GRM8: variants seen among roughly 807,000 people sequenced by gnomAD.
The protein encoded by GRM8 is metabotropic glutamate receptor 8.
Under a neutral mutation model 87.2 loss-of-function variants are expected in GRM8, and 47 were observed. The ratio of observed to expected loss-of-function variants is 0.54; its 90% CI spans 0.43 to 0.69. GRM8 has a LOEUF of 0.69. Ranked by LOEUF, GRM8 falls within the 30% of genes least tolerant of loss-of-function variation. The probability of loss-of-function intolerance (pLI) is 0.00; values close to 1 mark genes in which losing one functional copy is unlikely to be tolerated. For synonymous variants in GRM8, 396 were observed against 404.5 expected (o/e 0.98, Z 0.25); for missense variants, 1,019 against 1,139.2 (o/e 0.89, Z 1.52).
intron 2 of GRM8, among the ~76,000 whole-genome samples, chr7:127,215,699 C>T (rs1321882927): frequency 6.6e-6 from 1 of 152,146 alleles, no homozygotes; most frequent in Non-Finnish European, 1.5e-5. Context: ...ATATTACATT[C>T]AGCATTTCTC....
At chr7:127,135,617 CAAAAAAAA>C (rs1168682673) in intron 2 of GRM8, among the ~76,000 whole-genome samples, 5 of 36,838 alleles carry the variant, frequency 1.4e-4, no homozygotes, top group Non-Finnish European at 2.4e-4. Context: ...GACTCCGTCT[CAAAAAAAA>C]AAAAAAAAAA....
chr7:127,166,110 T>C (rs1048508575), intron 2 of GRM8, among the ~76,000 whole-genome samples: 8 of 152,144 alleles, frequency 5.3e-5, no homozygotes, highest in Non-Finnish European at 7.4e-5. Flanking sequence ...TCCTTTGTAA[T>C]TGGGTTAATG....
chr7:126,584,523 A>C (rs1292139917), intron 8 of GRM8, among the ~76,000 whole-genome samples: 2 of 152,222 alleles, frequency 1.3e-5, no homozygotes, highest in African/African-American at 4.8e-5. Flanking sequence ...AATGTAACCA[A>C]ATTTTAGATG....
intron 3 of GRM8, among the ~76,000 whole-genome samples, chr7:127,029,777 A>T (rs1318822999): frequency 6.6e-6 from 1 of 151,054 alleles, no homozygotes; most frequent in East Asian, 2.0e-4. Context: ...GTGGGTCTTG[A>T]CTCTTTACCC....
chr7:126,826,955 C>T (rs552014485), intron 6 of GRM8, among the ~76,000 whole-genome samples: 15 of 152,270 alleles, frequency 9.9e-5, no homozygotes, highest in Admixed American at 9.2e-4. Context: ...TTCCCAGCAC[C>T]GTTTATTAAA....
At chr7:126,983,672 C>T (rs1811759877) in intron 3 of GRM8, among the ~76,000 whole-genome samples, 1 of 152,124 alleles carries the variant, frequency 6.6e-6, no homozygotes, top group African/African-American at 2.4e-5. Context: ...GAAGGGTATG[C>T]GTGGAATACA....
intron 3 of GRM8, among the ~76,000 whole-genome samples, chr7:127,103,331 G>A (rs2133050871): frequency 6.6e-6 from 1 of 152,168 alleles, no homozygotes; most frequent in East Asian, 1.9e-4. Flanking sequence ...TTGGGTCATG[G>A]GGGCAGATCT....
chr7:126,547,848 C>T (rs773615227), intron 8 of GRM8, among the ~76,000 whole-genome samples: 8 of 150,546 alleles, frequency 5.3e-5, no homozygotes, highest in Admixed American at 4.0e-4. Context: ...GTCAGAATCC[C>T]GAGAACAAAT....
chr7:126,646,883 T>A (rs912061870), intron 7 of GRM8, among the ~76,000 whole-genome samples: 1 of 152,188 alleles, frequency 6.6e-6, no homozygotes, highest in Non-Finnish European at 1.5e-5. Flanking sequence ...TTGCATTTCA[T>A]TAAACAACAC....
chr7:126,736,602 T>A (rs1814257483), intron 7 of GRM8, among the ~76,000 whole-genome samples: 1 of 152,082 alleles, frequency 6.6e-6, no homozygotes. Context: ...GCTTTAAATA[T>A]TTCTAACCTT....
chr7:127,106,127 CT>C (rs1012648702), intron 3 of GRM8, among the ~76,000 whole-genome samples: 1 of 152,190 alleles, frequency 6.6e-6, no homozygotes, highest in African/African-American at 2.4e-5. Flanking sequence ...ATTCCACTGA[CT>C]TTTTTTAAAT....
chr7:126,489,029 T>A (rs1807693751), intron 9 of GRM8, among the ~76,000 whole-genome samples: 1 of 151,842 alleles, frequency 6.6e-6, no homozygotes, highest in African/African-American at 2.4e-5. Context: ...ATTTCAAGCA[T>A]ACAAATATGA....
intron 7 of GRM8, among the ~76,000 whole-genome samples, chr7:126,644,145 A>G (rs1802784321): frequency 6.6e-6 from 1 of 152,244 alleles, no homozygotes; most frequent in Admixed American, 6.5e-5. Flanking sequence ...TTTGTCCTTC[A>G]GTGCTAACTG....
At chr7:126,695,337 A>G (rs1585557838) in intron 7 of GRM8, among the ~76,000 whole-genome samples, 1 of 152,172 alleles carries the variant, frequency 6.6e-6, no homozygotes, top group East Asian at 1.9e-4. Flanking sequence ...TAGAGACATA[A>G]GATTAAAATA....
intron 2 of GRM8, among the ~76,000 whole-genome samples, chr7:127,198,300 A>G (rs1042632686): frequency 8.5e-5 from 13 of 152,234 alleles, no homozygotes; most frequent in African/African-American, 3.1e-4. Flanking sequence ...ACAGATCACA[A>G]TAAGATGCAC....
At chr7:127,168,317 C>A (rs1004071338) in intron 2 of GRM8, among the ~76,000 whole-genome samples, 1 of 152,150 alleles carries the variant, frequency 6.6e-6, no homozygotes, top group Non-Finnish European at 1.5e-5. Context: ...TACCATCTCA[C>A]GCTAGGTAGA....
At chr7:126,759,035 T>A (rs545963780) in intron 7 of GRM8, among the ~76,000 whole-genome samples, 1 of 152,094 alleles carries the variant, frequency 6.6e-6, no homozygotes, top group East Asian at 1.9e-4. Flanking sequence ...GCAGCTGGGA[T>A]TACAGGTGCG....
chr7:126,576,691 T>C (rs962257874), intron 8 of GRM8, among the ~76,000 whole-genome samples: 2 of 152,186 alleles, frequency 1.3e-5, no homozygotes, highest in Non-Finnish European at 2.9e-5. Flanking sequence ...CTCATCTCTT[T>C]TTCTCTCTTC....
chr7:127,072,067 G>A (rs1356194611), intron 3 of GRM8, among the ~76,000 whole-genome samples: 1 of 151,844 alleles, frequency 6.6e-6, no homozygotes, highest in Non-Finnish European at 1.5e-5. Flanking sequence ...TTCCCACCGA[G>A]ACATGGTGAG....
Sources: allele counts gnomAD v4.1 joint callset (sites outside exome capture counted in the v4.1 genomes callset), GRCh38; gene constraint gnomAD v4.1.1; transcripts MANE v1.5; gene names NCBI Gene and HGNC (gene_info 2026-07-23, HGNC 2026-07-21).